CRYM: variants seen among roughly 807,000 people sequenced by gnomAD.
The protein encoded by CRYM is crystallin mu, also known as ketimine reductase mu-crystallin.
A neutral mutation model predicts 32.9 loss-of-function variants in CRYM; 18 were observed. That is an observed-to-expected ratio of 0.55 (90% CI 0.38 to 0.81). The LOEUF is 0.81. Ranked by LOEUF, CRYM falls within the 30% of genes least tolerant of loss-of-function variation. The probability of loss-of-function intolerance (pLI) is 0.00; values close to 1 mark genes in which losing one functional copy is unlikely to be tolerated. For missense variants in CRYM, 337 were observed against 393.5 expected (o/e 0.86, Z 1.21); for synonymous variants, 153 against 152.4 (o/e 1.00, Z -0.03).
intron 7 of CRYM, among the ~76,000 whole-genome samples, chr16:21,260,583 A>T (rs976032491): frequency 6.6e-6 from 1 of 152,116 alleles, no homozygotes; most frequent in Non-Finnish European, 1.5e-5. Flanking sequence ...TACAGGCGTG[A>T]GCCACCGAGC....
intron 4 of CRYM, among the ~76,000 whole-genome samples, chr16:21,269,357 T>C (rs1234009568): frequency 4.6e-5 from 7 of 152,062 alleles, no homozygotes; most frequent in African/African-American, 1.7e-4. Context: ...GGTGGACCAG[T>C]ATGGAGACTG....
intron 1 of CRYM, among the ~76,000 whole-genome samples, chr16:21,294,920 C>G (rs142123835): frequency 6.3e-4 from 96 of 152,170 alleles, no homozygotes; most frequent in Non-Finnish European, 1.2e-3. Flanking sequence ...TGGTCTCGAT[C>G]TCCTGACCTC....
Position 21,259,065 on chromosome 16 carries a change from T to G in CRYM, c.881-220A>C, listed in dbSNP as rs373738199. On this transcript the variant is annotated intron_variant, in intron 7 of 7. Transcript: ENST00000572914. ...CCCACCAACAAATTGTGCATCTTTC[T>G]AAATCTAGCTCAGGGCTGAGCAAAT... Among the ~76,000 whole-genome samples, 63 of 152,156 alleles carry G rather than the reference T, an allele frequency of 4.1e-4. 2 individuals are homozygous for G. Among genetic ancestry groups the G allele is most frequent in the African/African-American group, 1.5e-3 (63 of 41,536 alleles).
chr16:21,270,442 C>T (rs1412507144), intron 3 of CRYM, among the ~76,000 whole-genome samples: 1 of 152,064 alleles, frequency 6.6e-6, no homozygotes, highest in African/African-American at 2.4e-5. Flanking sequence ...CGCCACAACA[C>T]CCAGCTAATT....
rs569203937 is a variant in CRYM at position 21,271,978 on chromosome 16, C to A, written c.388-2087G>T. 1.5e-3 allele frequency among the ~76,000 whole-genome samples: 223 copies of A among 152,022 alleles called. 2 individuals are homozygous for A. The highest frequency in any genetic ancestry group is 5.3e-3 in the African/African-American group (218 of 41,476). ...GGTTCAAGCGATTCTCATGCCTCAGCCTCCCGAGTAGCTGGGATTACAGGT... is the reference window on the plus strand; with the variant it reads ...GGTTCAAGCGATTCTCATGCCTCAGACTCCCGAGTAGCTGGGATTACAGGT... On this transcript the variant is annotated intron_variant, in intron 3 of 7. Coordinates refer to ENST00000572914, the MANE Select transcript of CRYM (RefSeq NM_001376256.1).
At chr16:21,273,874 G>A (rs2093380927) in intron 3 of CRYM, among the ~76,000 whole-genome samples, 1 of 152,198 alleles carries the variant, frequency 6.6e-6, no homozygotes, top group Non-Finnish European at 1.5e-5. Context: ...AACATAGCAA[G>A]GAGTCCTTGA....
intron 3 of CRYM, among the ~76,000 whole-genome samples, chr16:21,272,118 C>T (rs1439243368): frequency 6.6e-6 from 1 of 151,976 alleles, no homozygotes; most frequent in Non-Finnish European, 1.5e-5. Flanking sequence ...CTGCCTCGGC[C>T]TCCAAAAGTG....
intron 1 of CRYM, among the ~76,000 whole-genome samples, chr16:21,290,136 A>C (rs567192402): frequency 2.0e-5 from 3 of 152,278 alleles, no homozygotes; most frequent in South Asian, 2.1e-4. Flanking sequence ...TGGCCACCAG[A>C]GCCAGCAGTG....
At chr16:21,275,758 A>T (rs1453788286) in intron 2 of CRYM, among the ~76,000 whole-genome samples, 164 bp from the exon 3 acceptor site, 1 of 152,210 alleles carries the variant, frequency 6.6e-6, no homozygotes, top group Non-Finnish European at 1.5e-5. Context: ...GAGATATGCA[A>T]CTTTGAACAA....
chr16:21,285,438 G>C (rs1408345747), intron 1 of CRYM, among the ~76,000 whole-genome samples: 1 of 152,184 alleles, frequency 6.6e-6, no homozygotes. Flanking sequence ...TCGTGGCCCT[G>C]CCAGAAAGTG....
At chr16:21,267,352 T>A (rs1314867008) in intron 5 of CRYM, among the ~76,000 whole-genome samples, 1 of 152,072 alleles carries the variant, frequency 6.6e-6, no homozygotes, top group African/African-American at 2.4e-5. Flanking sequence ...CCTGCCTCAG[T>A]CTCCCAAAGT....
chr16:21,267,287 G>A (rs191814748), intron 5 of CRYM, among the ~76,000 whole-genome samples: 16 of 152,082 alleles, frequency 1.1e-4, no homozygotes, highest in Admixed American at 5.2e-4. Flanking sequence ...TAGTAGAGAC[G>A]GGGTTTTGCC....
chr16:21,292,349 G>C (rs191545377), intron 1 of CRYM, among the ~76,000 whole-genome samples: 3 of 152,130 alleles, frequency 2.0e-5, no homozygotes, highest in African/African-American at 7.2e-5. Flanking sequence ...AAAACATTTA[G>C]GGAAAATTTT....
chr16:21,271,994 G>C (rs1341850691), intron 3 of CRYM, among the ~76,000 whole-genome samples: 1 of 151,730 alleles, frequency 6.6e-6, no homozygotes, highest in African/African-American at 2.4e-5. Context: ...GAGTAGCTGG[G>C]ATTACAGGTA....
chr16:21,288,243 C>A (rs1430349099), intron 1 of CRYM, among the ~76,000 whole-genome samples: 1 of 152,166 alleles, frequency 6.6e-6, no homozygotes, highest in Non-Finnish European at 1.5e-5. Flanking sequence ...TTATCCCAAC[C>A]TTTTCTTTGC....
intron 5 of CRYM, among the ~76,000 whole-genome samples, chr16:21,262,823 AG>A (rs375530816): frequency 6.0e-4 from 91 of 152,280 alleles, no homozygotes; most frequent in African/African-American, 2.2e-3. Context: ...GCACGAATGG[AG>A]GCTCAAAGAA....
Position 21,258,813 on chromosome 16 carries a change from G to A in CRYM, c.913C>T (p.Leu305Phe). 4 of 1,614,138 alleles carry A rather than the reference G, an allele frequency of 2.5e-6. No homozygotes were observed. The highest frequency in any genetic ancestry group is 3.4e-6 in the Non-Finnish European group (4 of 1,180,000). Residue 305 changes from leucine to phenylalanine, a missense_variant, in exon 8 of 8, where the codon CTC (leucine) becomes TTC (phenylalanine). Physicochemically the swap from Leu to Phe is conservative, Grantham distance 22. Transcript: ENST00000572914. ...CCAGATGACCAGGAATCATAGATGAGTTTGGCTGCAACTGTGTCTTCCACT... is the reference window on the plus strand; with the variant it reads ...CCAGATGACCAGGAATCATAGATGAATTTGGCTGCAACTGTGTCTTCCACT... ...MAVEDTVAAK[L>F]IYDSWSSGK
chr16:21,301,187 C>G (rs974809909), intron 1 of CRYM: 1 of 152,352 alleles, frequency 6.6e-6, no homozygotes, highest in African/African-American at 2.4e-5. Flanking sequence ...CATGAATCTT[C>G]TTAAACTTCT....
chr16:21,261,053 G>A lies in CRYM; in HGVS notation c.880+201C>T, dbSNP rs565059383. On this transcript the variant is annotated intron_variant, in intron 7 of 7. Coordinates refer to ENST00000572914, the MANE Select transcript of CRYM (RefSeq NM_001376256.1). ...CTAAGGACACCTGCCTTTGAGTGGCGGGGAAGGGACTCTGACCCAGGACTG... is the reference window on the plus strand; with the variant it reads ...CTAAGGACACCTGCCTTTGAGTGGCAGGGAAGGGACTCTGACCCAGGACTG... 53 of 627,266 alleles carry A rather than the reference G, an allele frequency of 8.4e-5. 1 individual carries two copies. The highest frequency in any genetic ancestry group is 4.4e-4 in the South Asian group (24 of 55,144). The allele number at this position is 627,266 out of a possible 1,614,324, so 38.9% of individuals were successfully genotyped here. A position where few individuals can be genotyped will look rare whatever the true frequency, so the allele number is the denominator to read the frequency against.
Sources: gnomAD v4.1 joint callset for allele counts (sites outside exome capture counted in the v4.1 genomes callset) on GRCh38, gnomAD v4.1.1 for gene constraint, MANE v1.5 for transcripts, NCBI Gene and HGNC (gene_info 2026-07-23, HGNC 2026-07-21) for gene names.